The following SERGEF variants were observed in gnomAD, a reference collection of about 807,000 sequenced individuals.
SERGEF encodes the protein secretion regulating guanine nucleotide exchange factor.
Under a neutral mutation model 50.0 loss-of-function variants are expected in SERGEF, and 51 were observed. That is an observed-to-expected ratio of 1.02 (90% CI 0.81 to 1.29). The LOEUF (loss-of-function observed/expected upper bound fraction) is 1.29, where lower values mean the gene tolerates loss of function less well. SERGEF is among the 50% of genes most tolerant of loss of function. The pLI is 0.00. For synonymous variants in SERGEF, 205 were observed against 212.4 expected (o/e 0.97, Z 0.30); for missense variants, 521 against 557.0 (o/e 0.94, Z 0.65).
intron 8 of SERGEF, among the ~76,000 whole-genome samples, chr11:17,974,340 GAC>G (rs1853322786): frequency 6.6e-6 from 1 of 152,200 alleles, no homozygotes; most frequent in African/African-American, 2.4e-5. Context: ...TCCCACCAGA[GAC>G]AGTTACCACC....
intron 8 of SERGEF, among the ~76,000 whole-genome samples, chr11:17,980,341 C>T (rs211114): frequency 0.5 from 76,293 of 151,858 alleles, 19,864 homozygotes; most frequent in African/African-American, 0.65. Context: ...AAGTATCTTG[C>T]CTCTCTTCCA....
intron 10 of SERGEF, among the ~76,000 whole-genome samples, chr11:17,870,374 T>A (rs761959554): frequency 6.6e-6 from 1 of 152,194 alleles, no homozygotes; most frequent in Non-Finnish European, 1.5e-5. Context: ...GAAGAGTCAG[T>A]GTCAGAGTGA....
intron 9 of SERGEF, among the ~76,000 whole-genome samples, chr11:17,917,532 C>T (rs1852071997): frequency 6.6e-6 from 1 of 152,010 alleles, no homozygotes; most frequent in Admixed American, 6.6e-5. Flanking sequence ...ACTCATGTAA[C>T]CAAATATCAC....
rs887827169 is a variant in SERGEF at position 17,884,561 on chromosome 11, C to T, written c.1012-6317G>A. Reference sequence around the variant, plus strand: ...ACAGGCACACTGCAATCCAGTGAGCCACCAGAGTTCCACCTCTAAGCTCAG... The same window carrying T: ...ACAGGCACACTGCAATCCAGTGAGCTACCAGAGTTCCACCTCTAAGCTCAG... On this transcript the variant is annotated intron_variant, in intron 9 of 10. Coordinates refer to ENST00000265965, the MANE Select transcript of SERGEF (RefSeq NM_012139.4). The surrounding 1 kb of genome is among the most constrained non-coding windows in gnomAD (Gnocchi z 4.6). Among the ~76,000 whole-genome samples the T allele has an allele frequency of 6.6e-6, 1 of 152,108 alleles. No homozygotes were observed. The highest frequency in any genetic ancestry group is 2.4e-5 in the African/African-American group (1 of 41,422).
At chr11:18,003,185 C>T (rs1854000284) in intron 4 of SERGEF, among the ~76,000 whole-genome samples, 1 of 152,156 alleles carries the variant, frequency 6.6e-6, no homozygotes, top group South Asian at 2.1e-4. Context: ...AAACATCTCC[C>T]ACTATTAATC....
chr11:17,918,305 C>T (rs572534322), intron 9 of SERGEF, among the ~76,000 whole-genome samples: 43 of 152,200 alleles, frequency 2.8e-4, no homozygotes, highest in Non-Finnish European at 5.4e-4. Context: ...AGTGAGAGAA[C>T]TACTTGTAGA....
intron 6 of SERGEF, among the ~76,000 whole-genome samples, 153 bp from the exon 7 acceptor site, chr11:17,993,146 A>T (rs1269303747): frequency 2.6e-5 from 4 of 152,224 alleles, no homozygotes; most frequent in African/African-American, 7.2e-5. Context: ...GATGGCTGGC[A>T]TTGTAGGGAG....
At chr11:17,995,954 G>A (rs1227194296) in intron 5 of SERGEF, 45 bp from the exon 6 acceptor site, 1 of 1,325,416 alleles carries the variant, frequency 7.5e-7, no homozygotes, top group South Asian at 1.2e-5. Flanking sequence ...TGCACATCAG[G>A]ATAAGACTAG....
At chr11:17,956,401 T>C (rs1852871988) in intron 9 of SERGEF, among the ~76,000 whole-genome samples, 1 of 152,224 alleles carries the variant, frequency 6.6e-6, no homozygotes, top group Admixed American at 6.5e-5. Flanking sequence ...GTGTGATCAG[T>C]AGAGGCCAGT....
chr11:17,829,267 CA>C (rs1226127840), intron 10 of SERGEF, among the ~76,000 whole-genome samples: 3 of 152,200 alleles, frequency 2.0e-5, no homozygotes, highest in Non-Finnish European at 4.4e-5. Flanking sequence ...TAGTCTCTTG[CA>C]AACTTTATTG....
In SERGEF at chr11:18,000,478, AT is replaced by A. The variant is rs938925087; in HGVS notation, c.508+18del. On this transcript the variant is annotated intron_variant, in intron 5 of 10. Transcript: ENST00000265965. ...AAGTATTAAAAATAAAAATAAAAAA[AT>A]AAAGATAAGATGATCACCTGTAGCA... 2.6e-6 allele frequency: 4 copies of A among 1,527,616 alleles called. No homozygotes were observed. The highest frequency in any genetic ancestry group is 3.5e-6 in the Non-Finnish European group (4 of 1,130,202). The allele number at this position is 1,527,616 out of a possible 1,614,324, so 94.6% of individuals were successfully genotyped here.
chr11:17,802,233 G>A (rs1038795179), intron 10 of SERGEF, among the ~76,000 whole-genome samples: 2 of 152,166 alleles, frequency 1.3e-5, no homozygotes, highest in African/African-American at 4.8e-5. Context: ...TAATTTCCAG[G>A]TAGTATGAGG....
chr11:17,928,534 G>C (rs1852291692), intron 9 of SERGEF, among the ~76,000 whole-genome samples: 1 of 152,136 alleles, frequency 6.6e-6, no homozygotes, highest in African/African-American at 2.4e-5. Context: ...TGTGAGGACA[G>C]GACTGTAAAA....
chr11:17,819,896 T>C (rs983362545), intron 10 of SERGEF, among the ~76,000 whole-genome samples: 9 of 152,184 alleles, frequency 5.9e-5, no homozygotes, highest in African/African-American at 1.9e-4. Context: ...TGGAGTGCAG[T>C]GGCACTATCA....
At chr11:17,802,275 C>CAT (rs1244268964) in intron 10 of SERGEF, among the ~76,000 whole-genome samples, 1 of 152,172 alleles carries the variant, frequency 6.6e-6, no homozygotes, top group Non-Finnish European at 1.5e-5. Context: ...CTGAAAGACC[C>CAT]TTAAACATTG....
At chr11:17,808,024 G>T (rs1296080884) in intron 10 of SERGEF, among the ~76,000 whole-genome samples, 1 of 152,172 alleles carries the variant, frequency 6.6e-6, no homozygotes, top group Non-Finnish European at 1.5e-5. Context: ...CACAAGATTA[G>T]TGTCCCCTAA....
At chr11:17,822,911 C>T (rs370384378) in intron 10 of SERGEF, among the ~76,000 whole-genome samples, 1 of 152,160 alleles carries the variant, frequency 6.6e-6, no homozygotes, top group African/African-American at 2.4e-5. Flanking sequence ...TATCCCTCCC[C>T]CAGTTTCCCC....
intron 10 of SERGEF, among the ~76,000 whole-genome samples, chr11:17,867,275 G>A (rs1183289879): frequency 2.0e-5 from 3 of 152,248 alleles, no homozygotes; most frequent in Non-Finnish European, 2.9e-5. Context: ...CAGGCTTTGG[G>A]TAAATATAGC....
intron 9 of SERGEF, among the ~76,000 whole-genome samples, chr11:17,946,455 C>T (rs1413436041): frequency 1.3e-5 from 2 of 152,200 alleles, no homozygotes; most frequent in Non-Finnish European, 2.9e-5. Flanking sequence ...TTAGCAAATA[C>T]ATTGCTCTTT....
Sources: allele counts gnomAD v4.1 joint callset (sites outside exome capture counted in the v4.1 genomes callset), GRCh38; gene constraint gnomAD v4.1.1; non-coding constraint Gnocchi (gnomAD v3.1); transcripts MANE v1.5; gene names NCBI Gene and HGNC (gene_info 2026-07-23, HGNC 2026-07-21).